The following KIAA1217 variants were observed in gnomAD, a reference collection of about 807,000 sequenced individuals.
The protein encoded by KIAA1217 is sickle tail protein homolog.
A neutral mutation model predicts 163.9 loss-of-function variants in KIAA1217; 88 were observed. That is an observed-to-expected ratio of 0.54 (90% CI 0.45 to 0.64). KIAA1217 has a LOEUF of 0.64. Ranked by LOEUF, KIAA1217 falls within the 30% of genes least tolerant of loss-of-function variation. KIAA1217 has a pLI of 0.00. For synonymous variants in KIAA1217, 903 were observed against 923.1 expected, an observed-to-expected ratio of 0.98 and a Z score of 0.39; for missense variants, 2,372 against 2,475.0, an observed-to-expected ratio of 0.96 and a Z score of 0.88.
At chr10:23,864,261 A>T (rs1840082608) in intron 1 of KIAA1217, among the ~76,000 whole-genome samples, 1 of 151,944 alleles carries the variant, frequency 6.6e-6, no homozygotes, top group Admixed American at 6.6e-5. Flanking sequence ...ACTTACCTTG[A>T]CAAATTCTCT....
chr10:24,130,099 C>T (rs2063598507), intron 2 of KIAA1217, among the ~76,000 whole-genome samples: 2 of 152,080 alleles, frequency 1.3e-5, no homozygotes, highest in Admixed American at 6.6e-5. Flanking sequence ...ACATCCTTTC[C>T]TCCTTCAGTG....
chr10:24,147,671 A>G (rs2064383378), intron 2 of KIAA1217, among the ~76,000 whole-genome samples: 1 of 151,672 alleles, frequency 6.6e-6, no homozygotes, highest in South Asian at 2.1e-4. Context: ...GACGAAATCC[A>G]GTCTCCATTA....
At chr10:24,008,846 T>C (rs1483858479) in intron 2 of KIAA1217, among the ~76,000 whole-genome samples, 2 of 152,138 alleles carry the variant, frequency 1.3e-5, no homozygotes, top group African/African-American at 2.4e-5. Context: ...GCAGTCAATA[T>C]GATGTGTGTA....
At chr10:23,991,898 T>C (rs538717857) in intron 1 of KIAA1217, among the ~76,000 whole-genome samples, 1 of 152,282 alleles carries the variant, frequency 6.6e-6, no homozygotes, top group African/African-American at 2.4e-5. Context: ...ACTTGACTAC[T>C]AGGCTGAGTA....
At chr10:23,735,651 A>T (rs942921579) in intron 1 of KIAA1217, among the ~76,000 whole-genome samples, 1 of 151,572 alleles carries the variant, frequency 6.6e-6, no homozygotes, top group African/African-American at 2.4e-5. Flanking sequence ...CTTTATTCTC[A>T]TTGGGCTCAA....
chr10:24,044,131 C>T (rs1469991554), intron 2 of KIAA1217, among the ~76,000 whole-genome samples: 1 of 152,104 alleles, frequency 6.6e-6, no homozygotes, highest in Non-Finnish European at 1.5e-5. Flanking sequence ...CATCATCACT[C>T]ATGTTTGTTT....
intron 1 of KIAA1217, among the ~76,000 whole-genome samples, chr10:23,780,813 T>A (rs1428731111): frequency 2.6e-5 from 4 of 152,162 alleles, no homozygotes; most frequent in African/African-American, 9.7e-5. Flanking sequence ...CCCGAGTAGC[T>A]GGGATTACAG....
At chr10:24,113,375 C>T (rs1185416520) in intron 2 of KIAA1217, among the ~76,000 whole-genome samples, 2 of 152,178 alleles carry the variant, frequency 1.3e-5, no homozygotes, top group Non-Finnish European at 2.9e-5. Context: ...ATGTCCAGAA[C>T]ATGCAATCTC....
chr10:23,999,473 C>A (rs1328888573), intron 1 of KIAA1217, among the ~76,000 whole-genome samples: 1 of 152,142 alleles, frequency 6.6e-6, no homozygotes, highest in Non-Finnish European at 1.5e-5. Context: ...CTACTTCTAC[C>A]CTTCGCGTCA....
At chr10:24,450,398 T>C (rs1039062230) in intron 5 of KIAA1217, among the ~76,000 whole-genome samples, 1 of 152,258 alleles carries the variant, frequency 6.6e-6, no homozygotes, top group Admixed American at 6.5e-5. Flanking sequence ...AAATCTCTTA[T>C]AGCAGGTTTA....
chr10:24,178,472 A>G (rs2066012026), intron 2 of KIAA1217, among the ~76,000 whole-genome samples: 2 of 152,238 alleles, frequency 1.3e-5, no homozygotes, highest in African/African-American at 4.8e-5. Context: ...GGATTTACTC[A>G]GGGTGAAATT....
At chr10:23,962,496 C>A (rs7089627) in intron 1 of KIAA1217, among the ~76,000 whole-genome samples, 63,817 of 152,010 alleles carry the variant, frequency 0.42, 16,614 homozygotes, top group African/African-American at 0.74. Context: ...GTTAACACAA[C>A]AAATGGGAAT....
rs577245894 is a variant in KIAA1217 at position 24,082,696 on chromosome 10, C to G, written c.-171+75322C>G. ...ATCTTTGCTATTGTGAATAGTGCTG[C>G]AATGAACATATGTGTGCATGTATCT... On this transcript the variant is annotated intron_variant, in intron 2 of 18. Coordinates refer to the KIAA1217 transcript ENST00000376462. Among the ~76,000 whole-genome samples, 5 of 152,272 alleles carry G rather than the reference C, an allele frequency of 3.3e-5. No individual in the cohort carries two copies. The South Asian group carries it at 1.0e-3, about 32-fold the overall frequency.
intron 1 of KIAA1217, among the ~76,000 whole-genome samples, chr10:23,896,439 C>A (rs1043729081): frequency 1.3e-5 from 2 of 152,018 alleles, no homozygotes; most frequent in African/African-American, 4.8e-5. Context: ...GAAGTCATCA[C>A]CTGATTATAA....
intron 1 of KIAA1217, among the ~76,000 whole-genome samples, chr10:23,918,749 C>T (rs1450184826): frequency 1.3e-5 from 2 of 151,922 alleles, no homozygotes; most frequent in African/African-American, 4.8e-5. Context: ...CACACACACA[C>T]ACACACACAC....
chr10:24,258,080 CT>C (rs1396546606), intron 2 of KIAA1217, among the ~76,000 whole-genome samples: 1 of 152,070 alleles, frequency 6.6e-6, no homozygotes, highest in Non-Finnish European at 1.5e-5. Context: ...ACTTGGGAGG[CT>C]GAGGTGGGAG....
intron 2 of KIAA1217, among the ~76,000 whole-genome samples, chr10:24,093,084 C>T (rs1410065366): frequency 1.3e-5 from 2 of 151,648 alleles, no homozygotes; most frequent in Admixed American, 6.6e-5. Context: ...GCTTCGACTT[C>T]CCAGGCTCAA....
rs188725517 is a variant in KIAA1217, at chr10:23,718,034, G to A, written c.-321+22800G>A. Among the ~76,000 whole-genome samples, 114 of 152,138 alleles carry A rather than the reference G, an allele frequency of 7.5e-4. 2 individuals are homozygous for A. The highest frequency in any genetic ancestry group is 3.5e-3 in the Admixed American group (54 of 15,274). The stretch of plus-strand genomic sequence containing the variant: ...AATGAGCAGCCTTTTCTATTGGTTC[G>A]TCTAAGTCCTCCTTGCTTCCATTTT... On this transcript the variant is annotated intron_variant, in intron 1 of 18. Coordinates refer to the KIAA1217 transcript ENST00000376462.
intron 1 of KIAA1217, among the ~76,000 whole-genome samples, chr10:23,739,253 C>A (rs1439207970): frequency 6.6e-6 from 1 of 151,864 alleles, no homozygotes; most frequent in Admixed American, 6.6e-5. Flanking sequence ...TCGAAAGGGG[C>A]AGGTGATGAG....
Sources: allele counts gnomAD v4.1 joint callset (sites outside exome capture counted in the v4.1 genomes callset), GRCh38; gene constraint gnomAD v4.1.1; transcripts MANE v1.5; gene names NCBI Gene and HGNC (gene_info 2026-07-23, HGNC 2026-07-21).